The following PRKCZ variants were observed in gnomAD, a reference collection of about 807,000 sequenced individuals.
PRKCZ encodes protein kinase C zeta type.
In PRKCZ, 33 loss-of-function variants were observed where a neutral mutation model predicts 79.5. The observed-to-expected ratio is 0.41, with a 90% CI of 0.31 to 0.55. The LOEUF (loss-of-function observed/expected upper bound fraction) is 0.55. PRKCZ is among the 20% of genes least tolerant of loss of function. The pLI is 0.19. For missense variants in PRKCZ, 578 were observed against 813.5 expected (o/e 0.71, Z 3.52); for synonymous variants, 342 against 320.9 (o/e 1.07, Z -0.70).
intron 4 of PRKCZ, among the ~76,000 whole-genome samples, chr1:2,103,538 G>A (rs1667856226): frequency 6.6e-6 from 1 of 152,150 alleles, no homozygotes; most frequent in Non-Finnish European, 1.5e-5. Context: ...AGCTCCATCA[G>A]TCATGCAGTC....
rs143116740 is a variant in PRKCZ at position 2,108,396 on chromosome 1, C to T, written c.335-26866C>T. Among the ~76,000 whole-genome samples the T allele has an allele frequency of 1.2e-3, 187 of 152,372 alleles. 1 individual carries two copies. Among genetic ancestry groups the T allele is most frequent in the South Asian group, 0.011 (53 of 4,828 alleles). On this transcript the variant is annotated intron_variant, in intron 4 of 17. Transcript: ENST00000378567. ...TCCGTGGCTCCTGGAGGCCAGGCCA[C>T]GTCCTCATCCCCTCTGGGTGAGTGA...
chr1:2,141,166 C>G (rs550897196), intron 5 of PRKCZ: 61 of 152,086 alleles, frequency 4.0e-4, no homozygotes, highest in African/African-American at 1.4e-3. Context: ...TTTGACAGAG[C>G]TTGGGCAGCC....
At chr1:2,180,714 T>C (rs1686439626) in intron 16 of PRKCZ, among the ~76,000 whole-genome samples, 1 of 152,134 alleles carries the variant, frequency 6.6e-6, no homozygotes. Flanking sequence ...ACTGGGATGC[T>C]CAGATGACCG....
At chr1:2,069,711 C>T (rs745877335) in intron 4 of PRKCZ, among the ~76,000 whole-genome samples, 3 of 152,164 alleles carry the variant, frequency 2.0e-5, no homozygotes, top group Non-Finnish European at 2.9e-5. Flanking sequence ...CTGGCTCCTC[C>T]GTGTTGGCTC....
intron 10 of PRKCZ, among the ~76,000 whole-genome samples, chr1:2,158,213 C>T (rs991756307): frequency 1.3e-5 from 2 of 152,224 alleles, no homozygotes; most frequent in East Asian, 1.9e-4. Context: ...ACCCTCCCCA[C>T]CTGACCCCAG....
chr1:2,082,937 T>C lies in PRKCZ; in HGVS notation c.334+23346T>C, dbSNP rs956277669. 6.6e-6 allele frequency among the ~76,000 whole-genome samples: 1 copy of C among 151,804 alleles called. No homozygotes were observed. The highest frequency in any genetic ancestry group is 2.4e-5 in the African/African-American group (1 of 41,284). On this transcript the variant is annotated intron_variant, in intron 4 of 17. Coordinates refer to ENST00000378567, the MANE Select transcript of PRKCZ (RefSeq NM_002744.6). This position sits in a 1 kb window ranked among gnomAD's most constrained non-coding sequence, Gnocchi z 4.4. ...GGCGCGAGAGGGTGGAGGGGCGGCA[T>C]GAGGGAGCAAGCCACCTCGGGCACA...
rs544774051 is a variant in PRKCZ, at chr1:2,068,231, G to A, written c.334+8640G>A. On this transcript the variant is annotated intron_variant, in intron 4 of 17. Coordinates refer to ENST00000378567, the MANE Select transcript of PRKCZ (RefSeq NM_002744.6). Reference sequence around the variant, plus strand: ...CGCTAGGGAGGGGTGGGGCGGCCCGGCTTCGATGCGGCCATGTGGGAGGGC... The same window carrying A: ...CGCTAGGGAGGGGTGGGGCGGCCCGACTTCGATGCGGCCATGTGGGAGGGC... Among the ~76,000 whole-genome samples the A allele has an allele frequency of 3.0e-3, 453 of 152,346 alleles. 3 individuals are homozygous for A. The highest frequency in any genetic ancestry group is 0.011 in the African/African-American group (439 of 41,590).
intron 9 of PRKCZ, among the ~76,000 whole-genome samples, chr1:2,152,053 A>G (rs980242984): frequency 3.3e-5 from 5 of 151,784 alleles, no homozygotes; most frequent in African/African-American, 1.2e-4. Context: ...GTTCCACTAT[A>G]TTGCCCAGGC....
intron 5 of PRKCZ, among the ~76,000 whole-genome samples, chr1:2,136,892 G>T (rs1676304411): frequency 6.6e-6 from 1 of 152,186 alleles, no homozygotes; most frequent in African/African-American, 2.4e-5. Context: ...CAAAACGAAG[G>T]TGTCTTTATG....
At position 2,082,913 on chromosome 1, in the gene PRKCZ, G is replaced by A. The variant is rs898597877; in HGVS notation, c.334+23322G>A. On this transcript the variant is annotated intron_variant, in intron 4 of 17. Coordinates refer to ENST00000378567, the MANE Select transcript of PRKCZ (RefSeq NM_002744.6). The surrounding 1 kb of genome is among the most constrained non-coding windows in gnomAD (Gnocchi z 4.4). ...GAGGGTGGAGAGGGTGGCAGTGAGG[G>A]CGCGAGAGGGTGGAGGGGCGGCATG... is the stretch of plus-strand genomic sequence containing the variant. Among the ~76,000 whole-genome samples, 1 of 150,420 alleles carries A rather than the reference G, an allele frequency of 6.6e-6. No individual in the cohort carries two copies. The highest frequency in any genetic ancestry group is 1.5e-5 in the Non-Finnish European group (1 of 67,476).
chr1:2,081,986 AAT>A (rs948142662), intron 4 of PRKCZ, among the ~76,000 whole-genome samples: 4 of 152,110 alleles, frequency 2.6e-5, no homozygotes, highest in African/African-American at 9.7e-5. Flanking sequence ...TTTTTTCGGA[AAT>A]GTGTTCAGTT....
At chr1:2,179,891 C>T (rs1284191997) in intron 16 of PRKCZ, among the ~76,000 whole-genome samples, 2 of 152,002 alleles carry the variant, frequency 1.3e-5, no homozygotes, top group Non-Finnish European at 2.9e-5. Flanking sequence ...AAGGAGCCGG[C>T]GGCAGGGAGG....
At chr1:2,133,537 C>CA (rs1553159824) in intron 4 of PRKCZ, 1 of 150,448 alleles carries the variant, frequency 6.6e-6, no homozygotes, top group Non-Finnish European at 1.5e-5. Context: ...CCACCCCCCC[C>CA]AGCTGTGCAT....
chr1:2,078,386 C>T (rs996214952), intron 4 of PRKCZ, among the ~76,000 whole-genome samples: 5 of 152,222 alleles, frequency 3.3e-5, no homozygotes, highest in Non-Finnish European at 7.3e-5. Flanking sequence ...CTCTGCATTT[C>T]GAAGGGATCG....
intron 1 of PRKCZ, among the ~76,000 whole-genome samples, chr1:2,052,340 A>T (rs911561115): frequency 2.7e-5 from 4 of 150,682 alleles, no homozygotes; most frequent in African/African-American, 9.8e-5. Context: ...CCACCCGGTG[A>T]CTCTGGTTTC....
At chr1:2,175,616 T>C (rs9442615) in intron 16 of PRKCZ, among the ~76,000 whole-genome samples, 12,873 of 148,134 alleles carry the variant, frequency 0.087, 617 homozygotes, top group South Asian at 0.15. Flanking sequence ...CGGGGCTGTG[T>C]GGGCCGGGTG....
intron 4 of PRKCZ, among the ~76,000 whole-genome samples, chr1:2,076,658 C>T (rs1662473582): frequency 6.6e-6 from 1 of 151,466 alleles, no homozygotes; most frequent in Admixed American, 6.6e-5. Context: ...AGGAGAATCG[C>T]TTGAATCCGG....
intron 6 of PRKCZ, chr1:2,145,359 A>AT (rs1678283054): frequency 6.6e-6 from 1 of 152,018 alleles, no homozygotes; most frequent in Non-Finnish European, 1.5e-5. Context: ...AGGCCCTTAG[A>AT]ATGGCCCCCT....
At chr1:2,097,693 G>A (rs1666759204) in intron 4 of PRKCZ, among the ~76,000 whole-genome samples, 1 of 151,872 alleles carries the variant, frequency 6.6e-6, no homozygotes. Context: ...TCCTGGTGGG[G>A]CCCGTGCCAG....
Sources: gnomAD v4.1 joint callset for allele counts (sites outside exome capture counted in the v4.1 genomes callset) on GRCh38, gnomAD v4.1.1 for gene constraint, Gnocchi (gnomAD v3.1) non-coding constraint, MANE v1.5 for transcripts, NCBI Gene and HGNC (gene_info 2026-07-23, HGNC 2026-07-21) for gene names.